Variants in SCML4 observed in about 807,000 individuals in gnomAD.
SCML4 encodes the protein Scm polycomb group protein like 4, also known as sex comb on midleg-like protein 4.
In SCML4, 34 loss-of-function variants were observed where a neutral mutation model predicts 41.1. The observed-to-expected ratio is 0.83, with a 90% CI of 0.63 to 1.10. SCML4 has a LOEUF of 1.10. SCML4 is among the 50% of genes least tolerant of loss of function. The pLI is 0.00. For missense variants in SCML4, 522 were observed against 534.1 expected, an observed-to-expected ratio of 0.98 and a Z score of 0.22; for synonymous variants, 214 against 220.9, an observed-to-expected ratio of 0.97 and a Z score of 0.28.
intron 1 of SCML4, among the ~76,000 whole-genome samples, chr6:107,823,433 T>C (rs1412134881): frequency 6.6e-6 from 1 of 152,116 alleles, no homozygotes; most frequent in African/African-American, 2.4e-5. Context: ...GTCACAGTGC[T>C]CCACCTGGGA....
intron 2 of SCML4, among the ~76,000 whole-genome samples, chr6:107,765,636 A>C (rs954613666): frequency 1.1e-4 from 9 of 84,502 alleles, no homozygotes; most frequent in South Asian, 2.6e-4. Context: ...GTGAAACCAA[A>C]CAAACAAACA....
rs1017140968 is a variant in SCML4 at position 107,736,943 on chromosome 6, A to G, written c.682+8006T>C. Among the ~76,000 whole-genome samples the G allele has an allele frequency of 3.3e-5, 5 of 152,356 alleles. No homozygotes were observed. The East Asian group carries it at 7.7e-4, about 23-fold the overall frequency. On this transcript the variant is annotated intron_variant, in intron 5 of 7. Coordinates refer to ENST00000369020, the MANE Select transcript of SCML4 (RefSeq NM_198081.5). ...AAGAAGCTACTCAGCAAAAGTAAAC[A>G]ATCTGTCCCCATTATGCTAAACCTT...
intron 2 of SCML4, among the ~76,000 whole-genome samples, chr6:107,760,025 C>T (rs946789443): frequency 6.6e-5 from 10 of 152,146 alleles, no homozygotes; most frequent in African/African-American, 2.4e-4. Flanking sequence ...AAATGGGTTA[C>T]AGTTGTTGGT....
Position 107,747,440 on chromosome 6 carries a change from T to C in SCML4, c.287-551A>G, listed in dbSNP as rs138215230. Among the ~76,000 whole-genome samples, 660 of 152,262 alleles carry C rather than the reference T, an allele frequency of 4.3e-3. 11 individuals carry two copies. In the East Asian group the frequency reaches 0.064, roughly 15 times the overall value. On this transcript the variant is annotated intron_variant, in intron 3 of 7. Transcript: ENST00000369020. ...CGCTTAGGTGAACCCAGTCAATGGT[T>C]TCCACACTTTTAAGGTAACAGACCC...
At chr6:107,720,562 T>C in intron 6 of SCML4, 141 bp downstream of exon 6, 14 of 1,427,006 alleles carry the variant, frequency 9.8e-6, no homozygotes, top group Non-Finnish European at 1.1e-5. Context: ...TCAAGATCCA[T>C]GAAAGGACTT....
At chr6:107,776,413 G>A (rs542165637) in intron 1 of SCML4, among the ~76,000 whole-genome samples, 1 of 152,102 alleles carries the variant, frequency 6.6e-6, no homozygotes, top group South Asian at 2.1e-4. Context: ...AGTAGAAAAT[G>A]AGCAAAGGAT....
intron 1 of SCML4, 52 bp from the exon 2 acceptor site, chr6:107,772,438 G>C: frequency 9.3e-7 from 1 of 1,071,310 alleles, no homozygotes; most frequent in Non-Finnish European, 1.3e-6. Flanking sequence ...GGTTTGTTTG[G>C]TTTGCAAGGC....
At chr6:107,749,948 C>A in intron 2 of SCML4, 135 bp from the exon 3 acceptor site, 1 of 845,012 alleles carries the variant, frequency 1.2e-6, no homozygotes, top group Non-Finnish European at 1.9e-6. Flanking sequence ...AGTTTCGGGG[C>A]CTGAGCTGCA....
chr6:107,713,273 G>A (rs148144341), intron 6 of SCML4, among the ~76,000 whole-genome samples: 8 of 152,288 alleles, frequency 5.3e-5, no homozygotes, highest in South Asian at 4.1e-4. Flanking sequence ...GTGGAGGAGC[G>A]GAATTAGCAG....
chr6:107,757,483 G>A (rs1342601773), intron 2 of SCML4, among the ~76,000 whole-genome samples: 4 of 152,174 alleles, frequency 2.6e-5, no homozygotes, highest in African/African-American at 9.7e-5. Flanking sequence ...TGGCACATCC[G>A]CAGAGGGTAA....
At chr6:107,812,396 C>A (rs1784220569) in intron 1 of SCML4, among the ~76,000 whole-genome samples, 1 of 152,220 alleles carries the variant, frequency 6.6e-6, no homozygotes, top group Non-Finnish European at 1.5e-5. Flanking sequence ...ACCTGGGGTG[C>A]CACCTTTGTG....
At chr6:107,828,051 C>G (rs1437860483), upstream of SCML4, among the ~76,000 whole-genome samples, 3 of 152,150 alleles carry the variant, frequency 2.0e-5, no homozygotes, top group African/African-American at 7.2e-5. Context: ...ATTTTGTATC[C>G]CATTTATGAC....
chr6:107,797,019 T>C (rs1365585012), intron 1 of SCML4, among the ~76,000 whole-genome samples: 1 of 152,140 alleles, frequency 6.6e-6, no homozygotes, highest in Non-Finnish European at 1.5e-5. Flanking sequence ...TTCTGTTTTA[T>C]TGATGTTTTT....
the SCML4 span, among the ~76,000 whole-genome samples, chr6:107,833,044 CT>C: frequency 6.6e-6 from 1 of 152,114 alleles, no homozygotes; most frequent in Non-Finnish European, 1.5e-5. Context: ...GCGGGGAGGA[CT>C]TAATGGCTGG....
chr6:107,799,094 T>C (rs1284449928), intron 1 of SCML4, among the ~76,000 whole-genome samples: 2 of 152,194 alleles, frequency 1.3e-5, no homozygotes, highest in South Asian at 4.1e-4. Context: ...TTGATAGTGC[T>C]TTTCAAATCC....
At chr6:107,817,184 T>C (rs1486772369) in intron 1 of SCML4, among the ~76,000 whole-genome samples, 1 of 152,208 alleles carries the variant, frequency 6.6e-6, no homozygotes. Flanking sequence ...ATATGATTTC[T>C]AAACAATTAT....
chr6:107,778,576 T>C (rs1781224155), intron 1 of SCML4, among the ~76,000 whole-genome samples: 1 of 152,222 alleles, frequency 6.6e-6, no homozygotes, highest in South Asian at 2.1e-4. Flanking sequence ...CTAGAAATAC[T>C]ACAACGGAAA....
intron 2 of SCML4, among the ~76,000 whole-genome samples, chr6:107,758,341 A>G (rs1483656157): frequency 6.6e-6 from 1 of 152,222 alleles, no homozygotes; most frequent in Non-Finnish European, 1.5e-5. Context: ...TCTTCAAGAA[A>G]CCAGAGTGGT....
chr6:107,720,299 C>A, intron 6 of SCML4: 1 of 847,680 alleles, frequency 1.2e-6, no homozygotes, highest in Non-Finnish European at 1.4e-6. Context: ...CACCTTCTTT[C>A]CCTTTCTATT....
Sources: gnomAD v4.1 joint callset for allele counts (sites outside exome capture counted in the v4.1 genomes callset) on GRCh38, gnomAD v4.1.1 for gene constraint, MANE v1.5 for transcripts, NCBI Gene and HGNC (gene_info 2026-07-23, HGNC 2026-07-21) for gene names.